The following TTC39A variants were observed in gnomAD, a reference collection of about 807,000 sequenced individuals.
The protein encoded by TTC39A is tetratricopeptide repeat protein 39A.
TTC39A carries 46 observed loss-of-function variants against 82.3 expected under a neutral mutation model. The ratio of observed to expected loss-of-function variants is 0.56; its 90% CI spans 0.44 to 0.71. The LOEUF (loss-of-function observed/expected upper bound fraction) is 0.71. TTC39A is among the 30% of genes least tolerant of loss of function. TTC39A has a pLI of 0.00. For missense variants in TTC39A, 543 were observed against 712.9 expected (o/e 0.76, Z 2.71); for synonymous variants, 254 against 275.2 (o/e 0.92, Z 0.76).
At chr1:51,322,249 C>T (rs1019496170) in intron 1 of TTC39A, 3 of 1,489,096 alleles carry the variant, frequency 2.0e-6, no homozygotes, top group African/African-American at 2.8e-5. Context: ...GGCCTCCTCC[C>T]TCCCCCAGGC....
At chr1:51,312,513 G>A (rs572838841) in intron 3 of TTC39A, among the ~76,000 whole-genome samples, 3 of 152,102 alleles carry the variant, frequency 2.0e-5, no homozygotes, top group Non-Finnish European at 2.9e-5. Flanking sequence ...CCTGTCCGAC[G>A]TTTCGGCTCC....
intron 2 of TTC39A, among the ~76,000 whole-genome samples, chr1:51,317,630 A>C (rs532718700): frequency 6.6e-6 from 1 of 152,124 alleles, no homozygotes; most frequent in Non-Finnish European, 1.5e-5. Context: ...CGCACCTGCA[A>C]TCCCAGCTAC....
chr1:51,345,111 TAC>T (rs1220607825), exon 1 of TTC39A: 1 of 1,176,432 alleles, frequency 8.5e-7, no homozygotes, highest in Admixed American at 4.4e-5. Flanking sequence ...CCGTGGAGGC[TAC>T]AGTGGCAGCA....
rs949640493 is a variant in TTC39A, at chr1:51,330,441, C to T, written c.37G>A (p.Ala13Thr). Residue 13 changes from alanine to threonine, a missense_variant, in exon 1 of 18, where the codon GCG becomes ACG. By Grantham distance (58) the Ala-to-Thr change is moderately conservative. Coordinates refer to ENST00000680483, the MANE Select transcript of TTC39A (RefSeq NM_001297663.2). The surrounding 1 kb of genome is among the most constrained non-coding windows in gnomAD (Gnocchi z 4.5). ...SAGGAPGALP[A>T]GTPESSLHEA... is the part of the protein sequence containing the mutation. ...GCCTCCCAGCCGCGCACTTACCCCG[C>T]GGGCAGGGCTCCTGGGGCGCCGCCA... 1.3e-5 allele frequency: 13 copies of T among 982,864 alleles called. No homozygotes were observed. The highest frequency in any genetic ancestry group is 5.1e-4 in the Middle Eastern group (1 of 1,942). The allele number at this position is 982,864 out of a possible 1,614,324, so 60.9% of individuals were successfully genotyped here. A position where few individuals can be genotyped will look rare whatever the true frequency, so the allele number is the denominator to read the frequency against.
At chr1:51,324,081 G>A (rs1645623130) in intron 1 of TTC39A, among the ~76,000 whole-genome samples, 1 of 152,162 alleles carries the variant, frequency 6.6e-6, no homozygotes, top group Non-Finnish European at 1.5e-5. Flanking sequence ...TTAAGTTTAT[G>A]GTTTCCAGGA....
intron 1 of TTC39A, among the ~76,000 whole-genome samples, chr1:51,341,706 C>T (rs1187422853): frequency 6.6e-6 from 1 of 151,764 alleles, no homozygotes; most frequent in African/African-American, 2.4e-5. Flanking sequence ...AAAGCTTCAA[C>T]ACACACACAC....
intron 5 of TTC39A, 79 bp from the exon 6 acceptor site, chr1:51,309,404 C>G (rs777328159): frequency 9.4e-6 from 15 of 1,603,364 alleles, no homozygotes; most frequent in Non-Finnish European, 9.4e-6. Context: ...AGGCTCTGGG[C>G]CTGACTGCCC....
chr1:51,327,977 G>A (rs191271095), intron 1 of TTC39A, among the ~76,000 whole-genome samples: 5 of 152,290 alleles, frequency 3.3e-5, no homozygotes, highest in East Asian at 1.9e-4. Context: ...GATTATAGGC[G>A]TGAGCAACTG....
Position 51,294,445 on chromosome 1 carries a change from C to G in TTC39A, c.1212G>C (p.Arg404=). The change falls in exon 14 of 18, where the codon CGG becomes CGC. Residue 404 remains arginine, a synonymous_variant. Coordinates refer to ENST00000680483, the MANE Select transcript of TTC39A (RefSeq NM_001297663.2). This position sits in a 1 kb window ranked among gnomAD's most constrained non-coding sequence, Gnocchi z 4.3. ...TGGAGGAGAAGTAGCGCCGGGACTT[C>G]CGGATGGCAAACTTCTCTGTGGGTA... ...KSLPTEKFAI[R]KSRRYFSSNP... is the part of the protein sequence containing the mutation. The G allele has an allele frequency of 6.2e-7, 1 of 1,614,020 alleles. No homozygotes were observed. The highest frequency in any genetic ancestry group is 1.1e-5 in the South Asian group (1 of 91,082).
chr1:51,292,559 A>T (rs533533496), intron 14 of TTC39A, among the ~76,000 whole-genome samples: 1 of 152,154 alleles, frequency 6.6e-6, no homozygotes, highest in African/African-American at 2.4e-5. Context: ...GCCTCCCAAG[A>T]AACTGGGACT....
intron 1 of TTC39A, chr1:51,329,558 C>T (rs535429687): frequency 6.6e-6 from 1 of 152,574 alleles, no homozygotes; most frequent in African/African-American, 2.4e-5. Context: ...CCAGCTGGCA[C>T]CAGCCTCGTC....
At chr1:51,316,391 C>T (rs1645285375) in intron 2 of TTC39A, among the ~76,000 whole-genome samples, 1 of 152,204 alleles carries the variant, frequency 6.6e-6, no homozygotes, top group Admixed American at 6.5e-5. Flanking sequence ...CATCCTCCCT[C>T]CTCCAGCCTG....
chr1:51,344,015 A>G (rs1031001033), intron 1 of TTC39A, among the ~76,000 whole-genome samples: 2 of 152,110 alleles, frequency 1.3e-5, no homozygotes, highest in African/African-American at 2.4e-5. Context: ...CAATAGTCCA[A>G]TGAGAATAAA....
intron 2 of TTC39A, among the ~76,000 whole-genome samples, chr1:51,320,884 T>G (rs1645490690): frequency 6.7e-6 from 1 of 150,054 alleles, no homozygotes; most frequent in Non-Finnish European, 1.5e-5. Flanking sequence ...TTTTTTTTTT[T>G]TTTTTTGAGA....
Position 51,294,334 on chromosome 1 carries a change from G to A in TTC39A, c.1266+57C>T. 2 of 1,608,080 alleles carry A rather than the reference G, an allele frequency of 1.2e-6. No homozygotes were observed. The highest frequency in any genetic ancestry group is 1.7e-6 in the Non-Finnish European group (2 of 1,175,564). ...CACCTCCCCCTGGCTGTGGCTCTCA[G>A]TGAATCCCCACAATCCTATACCCGG... On this transcript the variant is annotated intron_variant, in intron 14 of 17. Coordinates refer to ENST00000680483, the MANE Select transcript of TTC39A (RefSeq NM_001297663.2). This position sits in a 1 kb window ranked among gnomAD's most constrained non-coding sequence, Gnocchi z 4.3.
At position 51,322,136 on chromosome 1, in the gene TTC39A, G is replaced by T. The variant is rs765707131; in HGVS notation, c.42-311C>A. 77 of 1,552,092 alleles carry T rather than the reference G, an allele frequency of 5.0e-5. No individual in the cohort carries two copies. The Middle Eastern group carries it at 6.7e-4, about 14-fold the overall frequency. On this transcript the variant is annotated intron_variant, in intron 1 of 17. Coordinates refer to ENST00000680483, the MANE Select transcript of TTC39A (RefSeq NM_001297663.2). ...ATCTTACCCTCCACAAGGGTAAAGG[G>T]AGTCTTTGTGGCCCTTCTGGCCCAT...
chr1:51,324,036 G>A (rs1174612931), intron 1 of TTC39A, among the ~76,000 whole-genome samples: 1 of 152,142 alleles, frequency 6.6e-6, no homozygotes, highest in African/African-American at 2.4e-5. Flanking sequence ...GGTTCCCAGG[G>A]GAACTACCAC....
chr1:51,311,450 T>C, intron 4 of TTC39A, 129 bp from the exon 5 acceptor site: 1 of 761,054 alleles, frequency 1.3e-6, no homozygotes, highest in South Asian at 1.9e-5. Flanking sequence ...GTCCCCTACC[T>C]CGTCACCCAG....
At chr1:51,315,504 C>T (rs1645250174) in intron 2 of TTC39A, among the ~76,000 whole-genome samples, 1 of 152,226 alleles carries the variant, frequency 6.6e-6, no homozygotes, top group South Asian at 2.1e-4. Context: ...CACTGGAAGG[C>T]AGAGGCAGCC....
Sources: allele counts gnomAD v4.1 joint callset (sites outside exome capture counted in the v4.1 genomes callset), GRCh38; gene constraint gnomAD v4.1.1; non-coding constraint Gnocchi (gnomAD v3.1); transcripts MANE v1.5; gene names NCBI Gene and HGNC (gene_info 2026-07-23, HGNC 2026-07-21).